The following MAPK9 variants were observed in gnomAD, a reference collection of about 807,000 sequenced individuals.
MAPK9 encodes mitogen-activated protein kinase 9.
In MAPK9, 30 loss-of-function variants were observed where a neutral mutation model predicts 57.1. That is an observed-to-expected ratio of 0.53 (90% confidence interval 0.39 to 0.71). The LOEUF is 0.71. MAPK9 is among the 30% of genes least tolerant of loss of function. The probability of loss-of-function intolerance (pLI) is 0.00; values close to 1 mark genes in which losing one functional copy is unlikely to be tolerated. For synonymous variants in MAPK9, 155 were observed against 177.0 expected (o/e 0.88, Z 0.99); for missense variants, 362 against 521.0 (o/e 0.69, Z 2.97).
intron 9 of MAPK9, among the ~76,000 whole-genome samples, 188 bp from the exon 10 acceptor site, chr5:180,240,175 A>G (rs770311382): frequency 6.6e-6 from 1 of 152,224 alleles, no homozygotes; most frequent in Non-Finnish European, 1.5e-5. Context: ...TAATTATGAA[A>G]AAGTTAACCA....
intron 7 of MAPK9, among the ~76,000 whole-genome samples, chr5:180,244,944 C>A (rs1007639745): frequency 6.6e-6 from 1 of 152,206 alleles, no homozygotes; most frequent in African/African-American, 2.4e-5. Flanking sequence ...GGCCCAGGGG[C>A]CAATCCCCCG....
chr5:180,254,827 G>A (rs1561803193), intron 5 of MAPK9, among the ~76,000 whole-genome samples: 1 of 152,202 alleles, frequency 6.6e-6, no homozygotes, highest in Non-Finnish European at 1.5e-5. Context: ...GAGGTCAGGA[G>A]ATCGAGACCA....
chr5:180,262,207 G>A (rs1002186988), intron 4 of MAPK9, among the ~76,000 whole-genome samples: 3 of 152,136 alleles, frequency 2.0e-5, no homozygotes, highest in Admixed American at 1.3e-4. Context: ...CACGTAAGGG[G>A]CTGGAGACAG....
chr5:180,266,686 C>T (rs1016735194), intron 3 of MAPK9, among the ~76,000 whole-genome samples: 6 of 151,928 alleles, frequency 3.9e-5, no homozygotes, highest in African/African-American at 1.2e-4. Context: ...CTCCTGGCTT[C>T]AAGCGACCCT....
chr5:180,238,229 C>T (rs1306169089), intron 11 of MAPK9, 103 bp downstream of exon 11: 10 of 812,860 alleles, frequency 1.2e-5, no homozygotes, highest in Middle Eastern at 2.5e-4. Context: ...GAGATCGCGC[C>T]GCTGCTCTCC....
chr5:180,238,605 C>CTTTTTTTTTTTTTTTTTTTTT (rs869035444), intron 10 of MAPK9, among the ~76,000 whole-genome samples: 1 of 129,626 alleles, frequency 7.7e-6, no homozygotes, highest in African/African-American at 3.0e-5. Flanking sequence ...TTTTCTTCTT[C>CTTTTTTTTTTTTTTTTTTTTT]TTCTTTTTTT....
chr5:180,272,085 C>T (rs776902310), intron 2 of MAPK9, among the ~76,000 whole-genome samples: 26 of 152,294 alleles, frequency 1.7e-4, no homozygotes, highest in Admixed American at 5.2e-4. Context: ...TGTTGTCTGG[C>T]ATCTCCTCCA....
In MAPK9 at chr5:180,288,082, G is replaced by T. The variant is rs10074965; in HGVS notation, c.-48+3766C>A. Among the ~76,000 whole-genome samples the T allele has an allele frequency of 9.7e-3, 1,481 of 152,224 alleles. 23 individuals carry two copies. The highest frequency in any genetic ancestry group is 0.034 in the African/African-American group (1,417 of 41,518). Reference sequence around the variant, plus strand: ...AACACGGACGAGCAGAGAGCCTCAGGGTACCTCTAGATAAGAAGTGCACAG... The same window carrying T: ...AACACGGACGAGCAGAGAGCCTCAGTGTACCTCTAGATAAGAAGTGCACAG... On this transcript the variant is annotated intron_variant, in intron 1 of 11. Coordinates refer to ENST00000452135, the MANE Select transcript of MAPK9 (RefSeq NM_002752.5).
chr5:180,286,185 G>A (rs1247661522), intron 1 of MAPK9, among the ~76,000 whole-genome samples: 5 of 113,378 alleles, frequency 4.4e-5, no homozygotes, highest in Admixed American at 2.3e-4. Context: ...TCGCTCTGTC[G>A]CCCAGGCTGG....
chr5:180,247,536 T>G lies in MAPK9; in HGVS notation c.617-26A>C, dbSNP rs760416070. The G allele has an allele frequency of 3.8e-6, 6 of 1,593,146 alleles. No individual in the cohort carries two copies. Among genetic ancestry groups the G allele is most frequent in the Non-Finnish European group, 5.2e-6 (6 of 1,161,910 alleles). On this transcript the variant is annotated intron_variant, in intron 6 of 11. Transcript: ENST00000452135. The surrounding 1 kb of genome is among the most constrained non-coding windows in gnomAD (Gnocchi z 4.5). The stretch of plus-strand genomic sequence containing the variant: ...CTGAAAATAAAATGAAATGATAAAA[T>G]TATGAAGTGCCATGAACAAAACAAA...
chr5:180,241,071 G>GGGTGA lies in MAPK9; in HGVS notation c.951_955dup (p.Pro319LeufsTer39). ...GGGGTCATACCAAACAGTGATGTAT[G>GGGTGA]GGTGACGCAGAGCTTCGTCTACAGA... is the stretch of plus-strand genomic sequence containing the variant. On this transcript the variant is annotated frameshift_variant, in exon 9 of 12. Coordinates refer to ENST00000452135, the MANE Select transcript of MAPK9 (RefSeq NM_002752.5). LOFTEE classifies it high-confidence loss of function. The GGGTGA allele has an allele frequency of 6.2e-7, 1 of 1,614,022 alleles. No homozygotes were observed. The highest frequency in any genetic ancestry group is 8.5e-7 in the Non-Finnish European group (1 of 1,179,964).
rs1047135560 is a variant in MAPK9, at chr5:180,236,299, A to G, written c.*85T>C. The G allele has an allele frequency of 1.1e-5, 15 of 1,423,894 alleles. No individual in the cohort carries two copies. The highest frequency in any genetic ancestry group is 1.4e-5 in the African/African-American group (1 of 70,166). The allele number at this position is 1,423,894 out of a possible 1,614,324, so 88.2% of individuals were successfully genotyped here. A position where few individuals can be genotyped will look rare whatever the true frequency, so the allele number is the denominator to read the frequency against. ...TACATGCAGAACATGGAGTTTTTCT[A>G]TTTGGTTCCATCAACTCCCAAGCAT... On this transcript the variant is annotated 3_prime_UTR_variant, in exon 12 of 12. Coordinates refer to ENST00000452135, the MANE Select transcript of MAPK9 (RefSeq NM_002752.5).
At chr5:180,271,123 T>C (rs911269735) in intron 2 of MAPK9, among the ~76,000 whole-genome samples, 5 of 152,194 alleles carry the variant, frequency 3.3e-5, no homozygotes, top group African/African-American at 1.2e-4. Context: ...TAGTCCATAA[T>C]GTATACATAT....
At chr5:180,275,647 C>T (rs1037701810) in intron 2 of MAPK9, among the ~76,000 whole-genome samples, 3 of 152,204 alleles carry the variant, frequency 2.0e-5, no homozygotes, top group African/African-American at 7.2e-5. Context: ...CTTACTAGCT[C>T]TCTAGGGGAA....
intron 2 of MAPK9, among the ~76,000 whole-genome samples, chr5:180,270,147 C>T (rs1342124976): frequency 6.6e-6 from 1 of 152,130 alleles, no homozygotes; most frequent in African/African-American, 2.4e-5. Flanking sequence ...TAAATAGTAT[C>T]ATTTGTATTA....
Position 180,280,394 on chromosome 5 carries a change from T to C in MAPK9, c.122+46A>G, listed in dbSNP as rs7702792. 0.015 allele frequency: 23,689 copies of C among 1,580,896 alleles called. 2,019 individuals are homozygous for C. In the African/African-American group the frequency reaches 0.23, roughly 15 times the overall value. On this transcript the variant is annotated intron_variant, in intron 2 of 11. Transcript: ENST00000452135. The stretch of plus-strand genomic sequence containing the variant: ...CCTGACACTTTAGTTTTACTTTTTA[T>C]TACAGCAAAAACTCAATCCACGCTA...
intron 5 of MAPK9, chr5:180,253,739 T>G (rs1437848151): frequency 6.6e-6 from 1 of 152,258 alleles, no homozygotes; most frequent in East Asian, 1.9e-4. Context: ...CCTGGTGAGT[T>G]TGCGCTCTGC....
At chr5:180,265,672 A>G (rs552949065) in intron 3 of MAPK9, among the ~76,000 whole-genome samples, 8 of 152,350 alleles carry the variant, frequency 5.3e-5, no homozygotes, top group Admixed American at 2.6e-4. Context: ...TCTTTATGGC[A>G]GTGCGGGAAC....
At chr5:180,253,996 C>T (rs1024592004) in intron 5 of MAPK9, among the ~76,000 whole-genome samples, 2 of 114,650 alleles carry the variant, frequency 1.7e-5, no homozygotes, top group South Asian at 2.7e-4. Flanking sequence ...GACGAAGTCT[C>T]GATCTTGTTG....
Sources: gnomAD v4.1 joint callset for allele counts (sites outside exome capture counted in the v4.1 genomes callset) on GRCh38, gnomAD v4.1.1 for gene constraint, Gnocchi (gnomAD v3.1) non-coding constraint, MANE v1.5 for transcripts, NCBI Gene and HGNC (gene_info 2026-07-23, HGNC 2026-07-21) for gene names.